XYLT1: variants seen among roughly 807,000 people sequenced by gnomAD.
The protein encoded by XYLT1 is beta-D-xylosyltransferase 1.
In XYLT1, 36 loss-of-function variants were observed where a neutral mutation model predicts 91.3. The ratio of observed to expected loss-of-function variants is 0.39; its 90% confidence interval spans 0.30 to 0.52. The LOEUF is 0.52. XYLT1 is among the 20% of genes least tolerant of loss of function. The pLI is 0.68. For missense variants in XYLT1, 1,242 were observed against 1,284.5 expected (o/e 0.97, Z 0.51); for synonymous variants, 588 against 532.0 (o/e 1.11, Z -1.45).
chr16:17,324,594 G>A (rs956914733), intron 2 of XYLT1, among the ~76,000 whole-genome samples: 7 of 152,232 alleles, frequency 4.6e-5, no homozygotes, highest in Non-Finnish European at 7.3e-5. Flanking sequence ...CTTCGTTTCT[G>A]AGCGCGTCTT....
chr16:17,177,184 CTT>C (rs1315178989), intron 5 of XYLT1, among the ~76,000 whole-genome samples: 1 of 152,140 alleles, frequency 6.6e-6, no homozygotes, highest in East Asian at 1.9e-4. Flanking sequence ...AATTCCTCCT[CTT>C]CTTTCAACTC....
intron 2 of XYLT1, among the ~76,000 whole-genome samples, chr16:17,289,334 CT>C (rs909736765): frequency 6.6e-6 from 1 of 152,170 alleles, no homozygotes; most frequent in African/African-American, 2.4e-5. Flanking sequence ...TTTGTGCCAG[CT>C]TTTTTCCCCT....
chr16:17,204,169 G>A (rs907804860), intron 3 of XYLT1, among the ~76,000 whole-genome samples: 25 of 152,196 alleles, frequency 1.6e-4, no homozygotes, highest in African/African-American at 6.0e-4. Flanking sequence ...TTGCGATATA[G>A]AGGATAGGTG....
intron 6 of XYLT1, among the ~76,000 whole-genome samples, 181 bp downstream of exon 6, chr16:17,158,648 C>T (rs1430620272): frequency 6.6e-6 from 1 of 152,152 alleles, no homozygotes; most frequent in Non-Finnish European, 1.5e-5. Context: ...TTATCTTGTC[C>T]TTGGCTGACA....
At chr16:17,134,051 A>G (rs2030608119) in intron 9 of XYLT1, among the ~76,000 whole-genome samples, 1 of 152,206 alleles carries the variant, frequency 6.6e-6, no homozygotes, top group African/African-American at 2.4e-5. Context: ...AAACAAGATC[A>G]GCCCCGAGTT....
chr16:17,126,868 C>G (rs1412521474), intron 10 of XYLT1, among the ~76,000 whole-genome samples: 2 of 152,226 alleles, frequency 1.3e-5, no homozygotes, highest in Admixed American at 6.5e-5. Context: ...AGACTACATA[C>G]TGTCTGTGTG....
intron 3 of XYLT1, among the ~76,000 whole-genome samples, chr16:17,215,753 C>T (rs757262702): frequency 3.3e-5 from 5 of 152,060 alleles, no homozygotes; most frequent in Non-Finnish European, 2.9e-5. Context: ...ATGCAAAGGG[C>T]CTGTCACGAA....
chr16:17,211,884 G>A (rs1357844327), intron 3 of XYLT1, among the ~76,000 whole-genome samples: 1 of 152,220 alleles, frequency 6.6e-6, no homozygotes, highest in Non-Finnish European at 1.5e-5. Context: ...CCTTGTTGTG[G>A]AGGGGACTGT....
intron 5 of XYLT1, among the ~76,000 whole-genome samples, chr16:17,161,843 T>G (rs1449829515): frequency 6.6e-6 from 1 of 152,174 alleles, no homozygotes; most frequent in Non-Finnish European, 1.5e-5. Context: ...TCTTGGTCTA[T>G]GCCAGTTCCT....
rs180994012 is a variant in XYLT1 at position 17,221,149 on chromosome 16, G to A, written c.914-20495C>T. ...TTGTTTGGGGTCCTCGTCCCTCTCC[G>A]GCAGCCATCACTCCTTTTCAATATT... On this transcript the variant is annotated intron_variant, in intron 3 of 11. Transcript: ENST00000261381. Among the ~76,000 whole-genome samples the A allele has an allele frequency of 1.9e-3, 283 of 151,972 alleles. 2 individuals carry two copies. The highest frequency in any genetic ancestry group is 3.2e-3 in the Non-Finnish European group (220 of 67,990).
At position 17,368,491 on chromosome 16, in the gene XYLT1, T is replaced by G. The variant is rs141521879; in HGVS notation, c.364-10441A>C. On this transcript the variant is annotated intron_variant, in intron 1 of 11. Transcript: ENST00000261381. ...ACCATAATTCACCATTTATGAGCAT[T>G]ACTTCAATAAACCCACATTCTATCC... Among the ~76,000 whole-genome samples the G allele has an allele frequency of 4.8e-3, 722 of 151,624 alleles. 6 individuals carry two copies. Among genetic ancestry groups the G allele is most frequent in the African/African-American group, 0.017 (700 of 41,384 alleles).
intron 3 of XYLT1, among the ~76,000 whole-genome samples, chr16:17,236,602 T>C (rs1476700169): frequency 6.6e-6 from 1 of 152,188 alleles, no homozygotes; most frequent in Non-Finnish European, 1.5e-5. Flanking sequence ...TACTGTCTCA[T>C]AGTGCCGGAG....
chr16:17,263,991 A>T (rs2033764244), intron 2 of XYLT1, among the ~76,000 whole-genome samples: 1 of 148,218 alleles, frequency 6.7e-6, no homozygotes, highest in African/African-American at 2.5e-5. Flanking sequence ...CTACTATGAT[A>T]ATAACACTTA....
intron 2 of XYLT1, among the ~76,000 whole-genome samples, chr16:17,271,359 G>A (rs1338677555): frequency 6.6e-6 from 1 of 151,954 alleles, no homozygotes; most frequent in Non-Finnish European, 1.5e-5. Context: ...CACAGAGAGA[G>A]AGAGACACAG....
chr16:17,227,277 G>A (rs1201467025), intron 3 of XYLT1: 1 of 152,308 alleles, frequency 6.6e-6, no homozygotes, highest in African/African-American at 2.4e-5. Flanking sequence ...TAAAGTAAAA[G>A]TTTTCCAGGC....
chr16:17,219,653 T>C (rs1046489986), intron 3 of XYLT1, among the ~76,000 whole-genome samples: 4 of 152,292 alleles, frequency 2.6e-5, no homozygotes, highest in Admixed American at 2.6e-4. Context: ...TCTTTCTTTC[T>C]CTTTTTGAGA....
rs568660663 is a variant in XYLT1, at chr16:17,134,496, G to A, written c.2004C>T (p.His668=). 68 of 1,614,120 alleles carry A rather than the reference G, an allele frequency of 4.2e-5. No individual in the cohort carries two copies. Among genetic ancestry groups the A allele is most frequent in the Admixed American group, 6.7e-5 (4 of 60,024 alleles). ...LGLRRAETSL[H]TDGENSCRYY... is the part of the protein sequence containing the mutation. ...ACCGGCAGCTGTTCTCCCCATCCGT[G>A]TGCAGGGACGTCTCGGCCCGTCGAA... Residue 668 remains histidine, a synonymous_variant, in exon 9 of 12, where the codon CAC becomes CAT. Transcript: ENST00000261381.
At chr16:17,413,610 G>A (rs1458304558) in intron 1 of XYLT1, among the ~76,000 whole-genome samples, 2 of 151,976 alleles carry the variant, frequency 1.3e-5, no homozygotes, top group East Asian at 3.9e-4. Context: ...GCTAATTTTT[G>A]TATTTTTTGT....
chr16:17,153,835 A>G (rs1331819531), intron 6 of XYLT1, among the ~76,000 whole-genome samples: 1 of 152,170 alleles, frequency 6.6e-6, no homozygotes, highest in Non-Finnish European at 1.5e-5. Context: ...CCCATGCAAA[A>G]AGATAATTCT....
Sources: gnomAD v4.1 joint callset for allele counts (sites outside exome capture counted in the v4.1 genomes callset) on GRCh38, gnomAD v4.1.1 for gene constraint, MANE v1.5 for transcripts, NCBI Gene and HGNC (gene_info 2026-07-23, HGNC 2026-07-21) for gene names.